KCNAB1: variants seen among roughly 807,000 people sequenced by gnomAD.
The protein encoded by KCNAB1 is potassium voltage-gated channel subfamily A regulatory beta subunit 1, also known as voltage-gated potassium channel subunit beta-1.
KCNAB1 carries 35 observed loss-of-function variants against 64.6 expected under a neutral mutation model. That is an observed-to-expected ratio of 0.54 (90% CI 0.41 to 0.72). The LOEUF is 0.72. KCNAB1 is among the 30% of genes least tolerant of loss of function. The pLI is 0.00. For missense variants in KCNAB1, 401 were observed against 512.9 expected (o/e 0.78, Z 2.11); for synonymous variants, 177 against 183.8 (o/e 0.96, Z 0.30).
chr3:156,383,417 C>T (rs980618721), intron 1 of KCNAB1, among the ~76,000 whole-genome samples: 3 of 152,076 alleles, frequency 2.0e-5, no homozygotes, highest in Non-Finnish European at 2.9e-5. Context: ...TTGTATGAGG[C>T]CTAAACTCCT....
intron 1 of KCNAB1, among the ~76,000 whole-genome samples, chr3:156,322,170 G>C (rs1722700318): frequency 6.6e-6 from 1 of 152,186 alleles, no homozygotes. Flanking sequence ...GATTCTCCCA[G>C]CTCATACTCG....
intron 10 of KCNAB1, among the ~76,000 whole-genome samples, chr3:156,515,518 A>T (rs527910405): frequency 6.6e-6 from 1 of 152,290 alleles, no homozygotes; most frequent in Non-Finnish European, 1.5e-5. Context: ...GGAACAACCA[A>T]TGAATAAGTT....
At chr3:156,128,787 A>T (rs1713816661) in intron 1 of KCNAB1, among the ~76,000 whole-genome samples, 2 of 152,230 alleles carry the variant, frequency 1.3e-5, no homozygotes, top group South Asian at 4.1e-4. Context: ...CAATGGGTTG[A>T]TAATTTATTT....
At chr3:156,296,922 A>AG (rs1364077461) in intron 1 of KCNAB1, among the ~76,000 whole-genome samples, 8 of 152,238 alleles carry the variant, frequency 5.3e-5, no homozygotes, top group Admixed American at 5.2e-4. Flanking sequence ...TTAACTATAT[A>AG]GCATGATAGC....
rs1718112577 is a variant in KCNAB1, at chr3:156,523,808, AT to A, written c.961-18del. 3.7e-6 allele frequency: 6 copies of A among 1,606,176 alleles called. No individual in the cohort carries two copies. The highest frequency in any genetic ancestry group is 3.3e-4 in the Middle Eastern group (2 of 6,034). On this transcript the variant is annotated intron_variant, in intron 11 of 13. Coordinates refer to ENST00000490337, the MANE Select transcript of KCNAB1 (RefSeq NM_172160.3). ...ATCTTTACCAGACATTAACATTTCA[AT>A]GTTATGCTTTTCCCCAGTGCTACCA... is the stretch of plus-strand genomic sequence containing the variant.
chr3:156,459,713 T>G (rs1448151109), intron 4 of KCNAB1, 114 bp from the exon 5 acceptor site: 6 of 702,262 alleles, frequency 8.5e-6, no homozygotes, highest in Middle Eastern at 4.9e-4. Flanking sequence ...CGGCTTCTAT[T>G]TTCGGGATAT....
intron 1 of KCNAB1, among the ~76,000 whole-genome samples, chr3:156,269,577 A>G (rs1408471571): frequency 6.6e-6 from 1 of 152,188 alleles, no homozygotes; most frequent in Non-Finnish European, 1.5e-5. Flanking sequence ...TGATCTGTCC[A>G]ATGCTGAAAG....
At chr3:156,359,207 G>T (rs1725447464) in intron 1 of KCNAB1, among the ~76,000 whole-genome samples, 1 of 152,012 alleles carries the variant, frequency 6.6e-6, no homozygotes, top group Admixed American at 6.5e-5. Flanking sequence ...CATTGCAAAA[G>T]AAAAAACATG....
chr3:156,211,530 C>A (rs1715004820), intron 1 of KCNAB1, among the ~76,000 whole-genome samples: 1 of 152,182 alleles, frequency 6.6e-6, no homozygotes, highest in South Asian at 2.1e-4. Context: ...AGCTTAATAA[C>A]CCCAGGTCCT....
intron 1 of KCNAB1, among the ~76,000 whole-genome samples, chr3:156,180,612 A>T (rs911093383): frequency 1.3e-5 from 2 of 152,132 alleles, no homozygotes; most frequent in African/African-American, 2.4e-5. Flanking sequence ...TCTGCAATAA[A>T]TTTTTTTAAT....
intron 1 of KCNAB1, among the ~76,000 whole-genome samples, chr3:156,285,930 A>C (rs992952743): frequency 2.6e-5 from 4 of 152,258 alleles, no homozygotes; most frequent in African/African-American, 9.6e-5. Flanking sequence ...AATAATCATT[A>C]GTGGCTGTAG....
intron 8 of KCNAB1, among the ~76,000 whole-genome samples, chr3:156,502,371 C>T (rs1444456840): frequency 2.6e-5 from 4 of 151,848 alleles, no homozygotes; most frequent in African/African-American, 9.7e-5. Context: ...ATAGAGACTC[C>T]AGAAACAGAC....
At chr3:156,510,874 C>T (rs982862971) in intron 8 of KCNAB1, among the ~76,000 whole-genome samples, 3 of 152,156 alleles carry the variant, frequency 2.0e-5, no homozygotes, top group Non-Finnish European at 2.9e-5. Flanking sequence ...CTTTGGCTGC[C>T]GGCTACCCAG....
At chr3:156,292,036 C>T in intron 1 of KCNAB1, 1 of 1,614,114 alleles carries the variant, frequency 6.2e-7, no homozygotes, top group Non-Finnish European at 8.5e-7. Context: ...TCCGCACGGT[C>T]GCTATCATCG....
chr3:156,448,886 A>G (rs1453788198), intron 2 of KCNAB1, among the ~76,000 whole-genome samples: 1 of 152,210 alleles, frequency 6.6e-6, no homozygotes, highest in Non-Finnish European at 1.5e-5. Context: ...CTGACCATGT[A>G]CTAAGAACCC....
At chr3:156,194,218 T>C (rs1281636341) in intron 1 of KCNAB1, among the ~76,000 whole-genome samples, 1 of 150,722 alleles carries the variant, frequency 6.6e-6, no homozygotes, top group Non-Finnish European at 1.5e-5. Context: ...TTTCCATTTG[T>C]TGTTTTTTTT....
intron 1 of KCNAB1, among the ~76,000 whole-genome samples, chr3:156,376,954 G>A (rs1057504319): frequency 1.3e-5 from 2 of 151,846 alleles, no homozygotes; most frequent in Non-Finnish European, 2.9e-5. Flanking sequence ...TTTAGGAGTG[G>A]GACTCTTATT....
intron 1 of KCNAB1, among the ~76,000 whole-genome samples, chr3:156,252,893 C>T (rs765853439): frequency 1.3e-5 from 2 of 152,210 alleles, no homozygotes; most frequent in Non-Finnish European, 2.9e-5. Context: ...CACTCATCAG[C>T]AATTTCACCT....
At chr3:156,405,045 T>C (rs1015212369) in intron 1 of KCNAB1, among the ~76,000 whole-genome samples, 1 of 152,230 alleles carries the variant, frequency 6.6e-6, no homozygotes, top group Non-Finnish European at 1.5e-5. Flanking sequence ...TTAACATTGC[T>C]AGATGGTGAT....
Sources: gnomAD v4.1 joint callset for allele counts (sites outside exome capture counted in the v4.1 genomes callset) on GRCh38, gnomAD v4.1.1 for gene constraint, MANE v1.5 for transcripts, NCBI Gene and HGNC (gene_info 2026-07-23, HGNC 2026-07-21) for gene names.